The following POU1F1 variants were observed in gnomAD, a reference collection of about 807,000 sequenced individuals.
POU1F1 encodes POU class 1 homeobox 1, also known as pituitary-specific positive transcription factor 1.
Under a neutral mutation model 32.3 loss-of-function variants are expected in POU1F1, and 23 were observed. That is an observed-to-expected ratio of 0.71 (90% CI 0.51 to 1.01). POU1F1 has a LOEUF of 1.01. Ranked by LOEUF, POU1F1 falls within the 50% of genes least tolerant of loss-of-function variation. POU1F1 has a pLI of 0.00. For missense variants in POU1F1, 323 were observed against 341.6 expected, an observed-to-expected ratio of 0.95 and a Z score of 0.43; for synonymous variants, 120 against 115.6, an observed-to-expected ratio of 1.04 and a Z score of -0.25.
chr3:87,261,131 G>C, intron 5 of POU1F1, 142 bp downstream of exon 5: 1 of 612,484 alleles, frequency 1.6e-6, no homozygotes, highest in South Asian at 1.9e-5. Flanking sequence ...GACTGGTCTC[G>C]AGCTCCTGAC....
chr3:87,265,436 A>C (rs140672514), intron 2 of POU1F1, among the ~76,000 whole-genome samples: 2 of 152,066 alleles, frequency 1.3e-5, no homozygotes, highest in Non-Finnish European at 2.9e-5. Context: ...GGAAGAGTCT[A>C]TCTCAGTTGG....
At chr3:87,264,899 T>C (rs1364404834) in intron 2 of POU1F1, among the ~76,000 whole-genome samples, 1 of 152,184 alleles carries the variant, frequency 6.6e-6, no homozygotes, top group East Asian at 1.9e-4. Context: ...CTCTGTTTTC[T>C]TAATTCATTG....
intron 2 of POU1F1, among the ~76,000 whole-genome samples, chr3:87,266,791 G>T (rs1706629409): frequency 6.6e-6 from 1 of 151,998 alleles, no homozygotes; most frequent in African/African-American, 2.4e-5. Flanking sequence ...ACTAATAGAT[G>T]TAAAAGAAAA....
At chr3:87,271,537 C>A (rs1256686851) in intron 2 of POU1F1, among the ~76,000 whole-genome samples, 1 of 152,134 alleles carries the variant, frequency 6.6e-6, no homozygotes, top group Non-Finnish European at 1.5e-5. Context: ...CTGGGAGTTC[C>A]TCTAAATGAA....
chr3:87,273,618 G>C, intron 1 of POU1F1, 200 bp from the exon 2 acceptor site: 1 of 1,000,064 alleles, frequency 1.0e-6, no homozygotes, highest in Non-Finnish European at 1.4e-6. Context: ...TCTCTGACGA[G>C]TAGGTTAAAA....
In POU1F1 at chr3:87,262,080, G is replaced by C. The variant is rs1239011113; in HGVS notation, c.595C>G (p.Gln199Glu). Residue 199 changes from glutamine (Q) to glutamate (E), a missense_variant, in exon 4 of 6, where the codon CAA (glutamine) becomes GAA (glutamate). Coordinates refer to ENST00000350375, the MANE Select transcript of POU1F1 (RefSeq NM_000306.4). ...AGACACAATTTAGTACCTCCTACTT[G>C]CTCAGCTTCCTCCAGCCATTTGGAT... ...ILSKWLEEAEQVGALYNEKVG... is the reference protein window; with the variant it reads ...ILSKWLEEAEEVGALYNEKVG... The C allele has an allele frequency of 9.9e-6, 16 of 1,613,884 alleles. 1 individual carries two copies. Among genetic ancestry groups the C allele is most frequent in the Non-Finnish European group, 1.3e-5 (15 of 1,179,968 alleles).
At chr3:87,260,530 G>A (rs1405371909) in intron 5 of POU1F1, among the ~76,000 whole-genome samples, 1 of 152,156 alleles carries the variant, frequency 6.6e-6, no homozygotes, top group African/African-American at 2.4e-5. Context: ...TATTTGCTAA[G>A]CATGTCTCAC....
chr3:87,264,218 TAA>T (rs1406376067), intron 3 of POU1F1, 68 bp downstream of exon 3: 2 of 1,203,664 alleles, frequency 1.7e-6, no homozygotes, highest in Admixed American at 3.4e-5. Context: ...TAGCAATATA[TAA>T]GAGATTTAAC....
intron 2 of POU1F1, among the ~76,000 whole-genome samples, chr3:87,272,804 T>C (rs1398679240): frequency 6.6e-6 from 1 of 152,142 alleles, no homozygotes; most frequent in Admixed American, 6.6e-5. Context: ...CTTCAATCAA[T>C]GTCTTATTTA....
chr3:87,269,580 G>A (rs72549143), intron 2 of POU1F1, among the ~76,000 whole-genome samples: 21 of 152,196 alleles, frequency 1.4e-4, no homozygotes, highest in African/African-American at 5.1e-4. Flanking sequence ...AAAATGAAAA[G>A]ATGGGTTCCA....
chr3:87,272,828 A>C (rs1345786508), intron 2 of POU1F1, among the ~76,000 whole-genome samples: 1 of 151,792 alleles, frequency 6.6e-6, no homozygotes, highest in East Asian at 1.9e-4. Context: ...TTATGGACCA[A>C]AGGTCCAGAA....
intron 2 of POU1F1, among the ~76,000 whole-genome samples, chr3:87,267,558 A>G (rs1250204070): frequency 2.6e-5 from 4 of 152,068 alleles, no homozygotes; most frequent in African/African-American, 9.7e-5. Flanking sequence ...AAATATATAT[A>G]AAGTGTGTCA....
chr3:87,268,084 C>T (rs607514), intron 2 of POU1F1, among the ~76,000 whole-genome samples: 4 of 116,446 alleles, frequency 3.4e-5, no homozygotes, highest in African/African-American at 6.0e-5. Flanking sequence ...TTCCCTTTCC[C>T]TTTTTTTTTT....
chr3:87,267,554 A>G (rs1450148215), intron 2 of POU1F1, among the ~76,000 whole-genome samples: 1 of 152,146 alleles, frequency 6.6e-6, no homozygotes, highest in African/African-American at 2.4e-5. Context: ...AATAAAATAT[A>G]TATAAAGTGT....
intron 2 of POU1F1, among the ~76,000 whole-genome samples, chr3:87,270,590 A>G (rs1036951373): frequency 8.5e-5 from 13 of 152,192 alleles, no homozygotes; most frequent in Non-Finnish European, 1.8e-4. Context: ...ATATTTTAGA[A>G]ATATAGTTCT....
At position 87,276,422 on chromosome 3, in the gene POU1F1, G is replaced by C; in HGVS notation, c.41C>G (p.Pro14Arg). ...AGTTGCAGAGGCGTCAGAATTCAGA[G>C]GTATAAAGGTATCAGCCGAAGTAAA... ...QAFTSADTFI[P>R]LNSDASATLP... Residue 14 changes from proline (P) to arginine (R), a missense_variant, in exon 1 of 6, where the codon CCT becomes CGT. Physicochemically the swap from Pro to Arg is moderately radical, Grantham distance 103 (BLOSUM62 -2). Coordinates refer to ENST00000350375, the MANE Select transcript of POU1F1 (RefSeq NM_000306.4). 6.2e-7 allele frequency: 1 copy of C among 1,613,812 alleles called. No individual in the cohort carries two copies.
intron 3 of POU1F1, among the ~76,000 whole-genome samples, chr3:87,263,853 A>C (rs1575977606): frequency 6.6e-6 from 1 of 152,042 alleles, no homozygotes; most frequent in Non-Finnish European, 1.5e-5. Context: ...GGCACAATAC[A>C]TATATTTCCA....
chr3:87,260,109 C>T lies in POU1F1; in HGVS notation c.666-5G>A, dbSNP rs76296626. 7,006 of 1,609,948 alleles carry T rather than the reference C, an allele frequency of 4.4e-3. 245 individuals carry two copies. The Admixed American group carries it at 0.074, about 17-fold the overall frequency. On this transcript the variant is annotated splice_region_variant and splice_polypyrimidine_tract_variant and intron_variant, in intron 5 of 5. Coordinates refer to ENST00000350375, the MANE Select transcript of POU1F1 (RefSeq NM_000306.4). The stretch of plus-strand genomic sequence containing the variant: ...AGAGCATCTTTAGCAGCAATGCTGG[C>T]GGGGGGTGGACATAGGGGGTGAAAT...
intron 2 of POU1F1, among the ~76,000 whole-genome samples, chr3:87,267,239 C>T (rs980650757): frequency 6.6e-6 from 1 of 152,070 alleles, no homozygotes; most frequent in African/African-American, 2.4e-5. Flanking sequence ...TTGTTATCAT[C>T]TTTATCCTTA....
Sources: allele counts gnomAD v4.1 joint callset (sites outside exome capture counted in the v4.1 genomes callset), GRCh38; gene constraint gnomAD v4.1.1; transcripts MANE v1.5; gene names NCBI Gene and HGNC (gene_info 2026-07-23, HGNC 2026-07-21).